Variants in CSMD3 observed in about 807,000 individuals in gnomAD.
CSMD3 encodes CUB and sushi domain-containing protein 3.
Under a neutral mutation model 435.2 loss-of-function variants are expected in CSMD3, and 177 were observed. The observed-to-expected ratio is 0.41, with a 90% confidence interval of 0.36 to 0.46. The LOEUF is 0.46. Among genes scored for constraint, CSMD3 ranks in the 20% least tolerant of loss-of-function variants. The pLI is 0.34. For synonymous variants in CSMD3, 1,656 were observed against 1,520.5 expected (o/e 1.09, Z -2.07); for missense variants, 4,265 against 4,504.6 (o/e 0.95, Z 1.52).
intron 35 of CSMD3, among the ~76,000 whole-genome samples, chr8:112,404,218 C>T: frequency 6.6e-6 from 1 of 152,104 alleles, no homozygotes; most frequent in Middle Eastern, 3.4e-3. Context: ...TTACTTAAAG[C>T]AAATATATTC....
At chr8:113,202,688 T>C (rs1345596792) in intron 3 of CSMD3, among the ~76,000 whole-genome samples, 1 of 152,128 alleles carries the variant, frequency 6.6e-6, no homozygotes, top group Non-Finnish European at 1.5e-5. Flanking sequence ...GAACCTTATG[T>C]AGTTCAGGCA....
intron 13 of CSMD3, among the ~76,000 whole-genome samples, chr8:112,780,251 A>G (rs577310489): frequency 6.6e-6 from 1 of 152,224 alleles, no homozygotes; most frequent in Admixed American, 6.5e-5. Context: ...CTCAGATACA[A>G]TAGTGTATAG....
chr8:113,073,339 A>G (rs2089206862), intron 5 of CSMD3, among the ~76,000 whole-genome samples: 5 of 151,828 alleles, frequency 3.3e-5, no homozygotes, highest in Admixed American at 3.3e-4. Flanking sequence ...ACAGTTTTGA[A>G]ATATGGAGTT....
chr8:113,035,629 C>T (rs2131262837), intron 5 of CSMD3, among the ~76,000 whole-genome samples: 1 of 152,004 alleles, frequency 6.6e-6, no homozygotes, highest in South Asian at 2.1e-4. Context: ...ATGAAATTTA[C>T]TGTAAATAAA....
At chr8:112,881,016 A>G (rs993389410) in intron 10 of CSMD3, among the ~76,000 whole-genome samples, 3 of 152,084 alleles carry the variant, frequency 2.0e-5, no homozygotes, top group African/African-American at 7.2e-5. Context: ...TTTAGTTTAA[A>G]TGCAGAGACA....
At chr8:112,893,992 AAG>A (rs2081877863) in intron 10 of CSMD3, among the ~76,000 whole-genome samples, 1 of 151,466 alleles carries the variant, frequency 6.6e-6, no homozygotes, top group Non-Finnish European at 1.5e-5. Context: ...TAAAATAAAT[AAG>A]AGAGACTCCC....
In CSMD3 at chr8:112,886,944, G is replaced by T. The variant is rs1464934681; in HGVS notation, c.1634-27678C>A. Among the ~76,000 whole-genome samples, 3 of 151,028 alleles carry T rather than the reference G, an allele frequency of 2.0e-5. No individual in the cohort carries two copies. The East Asian group carries it at 5.9e-4, about 30-fold the overall frequency. ...TTTTTCCTGAAAATTTTTGATCCAT[G>T]GTTGGTTGAACTTGCGGATTTGGAG... On this transcript the variant is annotated intron_variant, in intron 10 of 70. Transcript: ENST00000297405.
intron 12 of CSMD3, among the ~76,000 whole-genome samples, chr8:112,817,043 G>A (rs1351466667): frequency 2.0e-5 from 3 of 152,062 alleles, no homozygotes; most frequent in Admixed American, 2.0e-4. Context: ...CCTTCTTTAA[G>A]ATGTTTGCTC....
intron 31 of CSMD3, 87 bp downstream of exon 31, chr8:112,492,402 G>A: frequency 1.0e-6 from 1 of 1,001,542 alleles, no homozygotes. Context: ...ATGTGGAATA[G>A]TTGATGTTCT....
At chr8:112,729,731 C>A (rs141786743) in intron 13 of CSMD3, among the ~76,000 whole-genome samples, 1 of 152,122 alleles carries the variant, frequency 6.6e-6, no homozygotes, top group African/African-American at 2.4e-5. Flanking sequence ...TATATGGACA[C>A]ACAGAAGAGA....
At chr8:113,267,060 G>A (rs535185215) in intron 3 of CSMD3, among the ~76,000 whole-genome samples, 1 of 151,612 alleles carries the variant, frequency 6.6e-6, no homozygotes, top group South Asian at 2.1e-4. Flanking sequence ...GATATCACTT[G>A]TCCCAATCAG....
intron 5 of CSMD3, among the ~76,000 whole-genome samples, chr8:113,031,729 A>T (rs1488074586): frequency 6.6e-6 from 1 of 151,716 alleles, no homozygotes; most frequent in Non-Finnish European, 1.5e-5. Flanking sequence ...ATATTGTGCC[A>T]TAGTTATGAA....
rs569796891 is a variant in CSMD3, at chr8:113,056,022, A to G, written c.918-36843T>C. ...CCCATGAGATTCCCAAGATCCTGAA[A>G]GAGGATAAGGTAGTGTTGTCCTGGT... On this transcript the variant is annotated intron_variant, in intron 5 of 70. Transcript: ENST00000297405. 2.6e-5 allele frequency among the ~76,000 whole-genome samples: 4 copies of G among 152,282 alleles called. No homozygotes were observed. The East Asian group carries it at 7.7e-4, about 29-fold the overall frequency.
intron 6 of CSMD3, among the ~76,000 whole-genome samples, chr8:112,999,836 T>A (rs1427379587): frequency 6.6e-6 from 1 of 151,628 alleles, no homozygotes; most frequent in Non-Finnish European, 1.5e-5. Flanking sequence ...AAAAAAAAGG[T>A]CATTTGCTGA....
At chr8:112,614,146 T>C (rs369068704) in intron 22 of CSMD3, among the ~76,000 whole-genome samples, 1 of 152,082 alleles carries the variant, frequency 6.6e-6, no homozygotes, top group Non-Finnish European at 1.5e-5. Context: ...GGAAAAAGCA[T>C]TGCAGGCAGA....
chr8:113,061,152 CCTT>C (rs2088595187), intron 5 of CSMD3, among the ~76,000 whole-genome samples: 1 of 152,206 alleles, frequency 6.6e-6, no homozygotes, highest in South Asian at 2.1e-4. Context: ...TCTTTCCACT[CCTT>C]CTCAGATCTT....
intron 16 of CSMD3, among the ~76,000 whole-genome samples, chr8:112,667,813 A>G (rs1428710869): frequency 6.6e-6 from 1 of 152,148 alleles, no homozygotes. Flanking sequence ...CATTATTTCC[A>G]GTGACTTTTC....
intron 34 of CSMD3, among the ~76,000 whole-genome samples, chr8:112,407,768 T>C (rs1831986534): frequency 6.6e-6 from 1 of 152,060 alleles, no homozygotes; most frequent in African/African-American, 2.4e-5. Flanking sequence ...ATAATGGCTC[T>C]TAACTTGGTT....
Position 112,847,366 on chromosome 8 carries a change from A to G in CSMD3, c.1755+11779T>C, listed in dbSNP as rs74710660. On this transcript the variant is annotated intron_variant, in intron 11 of 70. Coordinates refer to ENST00000297405, the MANE Select transcript of CSMD3 (RefSeq NM_198123.2). The stretch of plus-strand genomic sequence containing the variant: ...GAAAGATCTGGGTATCACTTACCCT[A>G]TGATCATGGGGTGCAGAAGTATGAG... 2.3e-3 allele frequency among the ~76,000 whole-genome samples: 355 copies of G among 152,182 alleles called. 1 individual carries two copies. The highest frequency in any genetic ancestry group is 8.2e-3 in the African/African-American group (339 of 41,542).
Sources: gnomAD v4.1 joint callset for allele counts (sites outside exome capture counted in the v4.1 genomes callset) on GRCh38, gnomAD v4.1.1 for gene constraint, MANE v1.5 for transcripts, NCBI Gene and HGNC (gene_info 2026-07-23, HGNC 2026-07-21) for gene names.